Variants in CRACD observed in about 807,000 individuals in gnomAD.
CRACD encodes the protein capping protein inhibiting regulator of actin dynamics, also known as capping protein-inhibiting regulator of actin dynamics.
In CRACD, 56 loss-of-function variants were observed where a neutral mutation model predicts 106.8. That is an observed-to-expected ratio of 0.52 (90% CI 0.42 to 0.66). The LOEUF is 0.66. Among genes scored for constraint, CRACD ranks in the 30% least tolerant of loss-of-function variants. CRACD has a pLI of 0.00. For missense variants in CRACD, 1,730 were observed against 1,623.2 expected, an observed-to-expected ratio of 1.07 and a Z score of -1.13; for synonymous variants, 754 against 670.8, an observed-to-expected ratio of 1.12 and a Z score of -1.92.
chr4:56,296,336 T>C (rs917610534), intron 3 of CRACD, among the ~76,000 whole-genome samples: 14 of 152,190 alleles, frequency 9.2e-5, no homozygotes, highest in Non-Finnish European at 1.9e-4. Context: ...CACAGTTTTT[T>C]TTTTAAATCA....
intron 1 of CRACD, among the ~76,000 whole-genome samples, chr4:56,108,589 G>C (rs562708992): frequency 1.3e-5 from 2 of 152,110 alleles, no homozygotes; most frequent in Non-Finnish European, 2.9e-5. Flanking sequence ...CCACCAAGAC[G>C]TGGAGACCGG....
chr4:56,130,685 A>C, intron 1 of CRACD, among the ~76,000 whole-genome samples: 1 of 152,190 alleles, frequency 6.6e-6, no homozygotes. Context: ...CTAGTTGGTT[A>C]GTACACAATG....
chr4:56,307,170 T>C (rs954663323), intron 4 of CRACD, among the ~76,000 whole-genome samples: 12 of 152,212 alleles, frequency 7.9e-5, no homozygotes, highest in Admixed American at 7.9e-4. Flanking sequence ...TTTAAGAGAC[T>C]TTTTATGTAA....
chr4:56,071,510 CTT>C (rs5858361), intron 1 of CRACD, among the ~76,000 whole-genome samples: 19 of 142,126 alleles, frequency 1.3e-4, no homozygotes, highest in Admixed American at 4.2e-4. Context: ...TCTTTCTTTT[CTT>C]TTTTTTTTTT....
intron 1 of CRACD, among the ~76,000 whole-genome samples, chr4:56,095,665 TAA>T (rs1733576749): frequency 6.6e-6 from 1 of 152,052 alleles, no homozygotes; most frequent in Non-Finnish European, 1.5e-5. Flanking sequence ...GAAGATGAGG[TAA>T]CCTGGTCCCT....
chr4:56,149,150 T>C (rs1735499886), intron 1 of CRACD, among the ~76,000 whole-genome samples: 1 of 152,182 alleles, frequency 6.6e-6, no homozygotes, highest in Admixed American at 6.5e-5. Context: ...TGTAAACATA[T>C]ATATTCTGTC....
At chr4:56,153,419 C>G (rs1735655055) in intron 1 of CRACD, among the ~76,000 whole-genome samples, 2 of 152,192 alleles carry the variant, frequency 1.3e-5, no homozygotes. Context: ...GTCTTCTCCA[C>G]CAACCCCAGC....
intron 2 of CRACD, among the ~76,000 whole-genome samples, chr4:56,238,580 T>C (rs550063155): frequency 6.6e-6 from 1 of 152,306 alleles, no homozygotes; most frequent in African/African-American, 2.4e-5. Context: ...ATGGAGAGGA[T>C]GGATATAGCG....
chr4:56,271,660 G>A (rs1742355099), intron 2 of CRACD, among the ~76,000 whole-genome samples: 2 of 152,156 alleles, frequency 1.3e-5, no homozygotes, highest in African/African-American at 4.8e-5. Flanking sequence ...GTTAAAGAAA[G>A]CAGGCACTGC....
At chr4:56,187,671 AAAAT>A (rs1264810043) in intron 2 of CRACD, among the ~76,000 whole-genome samples, 4 of 152,138 alleles carry the variant, frequency 2.6e-5, no homozygotes, top group Middle Eastern at 3.2e-3. Flanking sequence ...TTTCCTTATT[AAAAT>A]AAATAAATTT....
chr4:56,305,026 C>T (rs887050703), intron 4 of CRACD, among the ~76,000 whole-genome samples: 1 of 151,870 alleles, frequency 6.6e-6, no homozygotes, highest in African/African-American at 2.4e-5. Flanking sequence ...TTGAGACGAG[C>T]CTGGGCATCA....
At chr4:56,240,750 C>G (rs1740318760) in intron 2 of CRACD, among the ~76,000 whole-genome samples, 1 of 152,210 alleles carries the variant, frequency 6.6e-6, no homozygotes. Context: ...TCCCAAAGCA[C>G]TAGGATTACA....
At chr4:56,160,057 A>G (rs1735897224) in intron 1 of CRACD, among the ~76,000 whole-genome samples, 3 of 152,136 alleles carry the variant, frequency 2.0e-5, no homozygotes, top group Non-Finnish European at 4.4e-5. Context: ...CTGGGATTAC[A>G]GCCGTGAGCC....
chr4:56,112,705 A>G (rs1410718382), intron 1 of CRACD, among the ~76,000 whole-genome samples: 1 of 152,200 alleles, frequency 6.6e-6, no homozygotes, highest in Non-Finnish European at 1.5e-5. Flanking sequence ...GGTAGAAAAC[A>G]TCCCCTGACT....
rs1743397429 is a variant in CRACD at position 56,286,888 on chromosome 4, C to T, written c.-16-11326C>T. 2.0e-5 allele frequency among the ~76,000 whole-genome samples: 3 copies of T among 152,150 alleles called. No individual in the cohort carries two copies. In the South Asian group the frequency reaches 6.2e-4, roughly 32 times the overall value. ...GTAATAATAAAAATAAAAGCTTCAC[C>T]TGAGCAAAGGTTACAGTGTGTGAGC... On this transcript the variant is annotated intron_variant, in intron 3 of 10. Coordinates refer to ENST00000682029, the MANE Select transcript of CRACD (RefSeq NM_001393381.1).
At position 56,266,762 on chromosome 4, in the gene CRACD, A is replaced by C. The variant is rs149011344; in HGVS notation, c.-188-5559A>C. ...TTGATTCTGTGGAGATAAACTGCTA[A>C]TACTGCCCCAGCATCATAAACTGAC... On this transcript the variant is annotated intron_variant, in intron 2 of 10. Coordinates refer to ENST00000682029, the MANE Select transcript of CRACD (RefSeq NM_001393381.1). Among the ~76,000 whole-genome samples, 161 of 152,334 alleles carry C rather than the reference A, an allele frequency of 1.1e-3. 1 individual carries two copies. Among genetic ancestry groups the C allele is most frequent in the African/African-American group, 3.5e-3 (146 of 41,584 alleles).
At chr4:56,311,775 A>C (rs1745174002) in intron 6 of CRACD, among the ~76,000 whole-genome samples, 1 of 152,214 alleles carries the variant, frequency 6.6e-6, no homozygotes, top group Non-Finnish European at 1.5e-5. Context: ...AGAAACAAAC[A>C]AATAAACCCT....
intron 2 of CRACD, among the ~76,000 whole-genome samples, chr4:56,232,941 C>T (rs28848586): frequency 0.45 from 68,029 of 151,450 alleles, 15,883 homozygotes; most frequent in Non-Finnish European, 0.51. Flanking sequence ...ATCGAACAGG[C>T]TGGTCTTGAA....
At position 56,295,660 on chromosome 4, in the gene CRACD, CATATATATATATATATATATATATAT is replaced by C. The variant is rs57635563; in HGVS notation, c.-16-2527_-16-2502del. ...CACACAACTGTGAGAAATTAGTAAA[CATATATATATATATATATATATATAT>C]ATATATATATATATATATATATATA... is the stretch of plus-strand genomic sequence containing the variant. On this transcript the variant is annotated intron_variant, in intron 3 of 10. Coordinates refer to ENST00000682029, the MANE Select transcript of CRACD (RefSeq NM_001393381.1). Among the ~76,000 whole-genome samples the C allele has an allele frequency of 7.8e-3, 851 of 109,112 alleles. 9 individuals are homozygous for C. The highest frequency in any genetic ancestry group is 0.025 in the African/African-American group (706 of 28,736). The allele number at this position is 109,112 out of a possible 152,430, so 71.6% of individuals were successfully genotyped here.
Sources: gnomAD v4.1 joint callset for allele counts (sites outside exome capture counted in the v4.1 genomes callset) on GRCh38, gnomAD v4.1.1 for gene constraint, MANE v1.5 for transcripts, NCBI Gene and HGNC (gene_info 2026-07-23, HGNC 2026-07-21) for gene names.